Variants in ZBTB4 observed in about 807,000 individuals in gnomAD.
The protein encoded by ZBTB4 is zinc finger and BTB domain-containing protein 4.
Under a neutral mutation model 59.8 loss-of-function variants are expected in ZBTB4, and 14 were observed. That is an observed-to-expected ratio of 0.23 (90% CI 0.15 to 0.37). The LOEUF is 0.37. Among genes scored for constraint, ZBTB4 ranks in the 10% least tolerant of loss-of-function variants. The pLI, the probability that ZBTB4 is intolerant of heterozygous loss-of-function variation, is 1.00. For missense variants in ZBTB4, 1,198 were observed against 1,380.8 expected, an observed-to-expected ratio of 0.87 and a Z score of 2.10; for synonymous variants, 587 against 575.2, an observed-to-expected ratio of 1.02 and a Z score of -0.29.
chr17:7,469,847 G>A (rs2070175791), intron 1 of ZBTB4, among the ~76,000 whole-genome samples: 1 of 152,082 alleles, frequency 6.6e-6, no homozygotes, highest in African/African-American at 2.4e-5. Flanking sequence ...AGTTTGGGAG[G>A]CAGAGGCGGG....
chr17:7,464,151 A>G (rs1464271910), intron 3 of ZBTB4, among the ~76,000 whole-genome samples: 1 of 152,188 alleles, frequency 6.6e-6, no homozygotes, highest in Non-Finnish European at 1.5e-5. Context: ...AAATGGCAGA[A>G]TGGGGAAACG....
chr17:7,479,572 C>G lies in ZBTB4; in HGVS notation c.-197G>C, dbSNP rs2070316757. On this transcript the variant is annotated 5_prime_UTR_variant, in exon 1 of 4. Coordinates refer to ENST00000380599, the MANE Select transcript of ZBTB4 (RefSeq NM_001128833.2). ...CGGCTCCAGCTCCGGCCCTGGCCCC[C>G]CCAGCGCCTGGCCCCGGCCCGGCCC... 1 of 169,522 alleles carries G rather than the reference C, an allele frequency of 5.9e-6. No homozygotes were observed. Among genetic ancestry groups the G allele is most frequent in the Non-Finnish European group, 1.2e-5 (1 of 82,746 alleles). 10.5% of individuals were successfully genotyped at this position (169,522 alleles called of 1,614,324 possible). A position where few individuals can be genotyped will look rare whatever the true frequency, so the allele number is the denominator to read the frequency against.
chr17:7,476,115 ATGGCCTCCCAGCTATCCCC>A (rs1416865358), intron 1 of ZBTB4, among the ~76,000 whole-genome samples: 1 of 152,134 alleles, frequency 6.6e-6, no homozygotes, highest in East Asian at 1.9e-4. Flanking sequence ...GTCCAAGGTT[ATGGCCTCCCAGCTATCCCC>A]TGGCCTCCAG....
rs757070642 is a variant in ZBTB4 at position 7,463,441 on chromosome 17, G to T, written c.1541C>A (p.Pro514Gln). The T allele has an allele frequency of 6.4e-7, 1 of 1,555,206 alleles. No homozygotes were observed. The highest frequency in any genetic ancestry group is 8.7e-7 in the Non-Finnish European group (1 of 1,150,710). ...GTATTCTCGTTTCTTGGGTGGCCTC[G>T]GGGGAGCAGTGTAAGTGATAACCGA... ...AASVITYTAPPRPPKKREYPP... is the reference protein window; with the variant it reads ...AASVITYTAPQRPPKKREYPP... Residue 514 changes from proline (P) to glutamine (Q), a missense_variant, in exon 4 of 4, where the codon CCG becomes CAG. Pro to Gln is a moderately conservative substitution (Grantham distance 76). This residue lies in a region of ZBTB4 where 550 missense variants were observed against 541.8 expected (regional missense o/e 1.02). Coordinates refer to ENST00000380599, the MANE Select transcript of ZBTB4 (RefSeq NM_001128833.2).
At chr17:7,464,379 T>C (rs1479300239) in intron 3 of ZBTB4, among the ~76,000 whole-genome samples, 1 of 144,624 alleles carries the variant, frequency 6.9e-6, no homozygotes, top group African/African-American at 2.6e-5. Context: ...TGAGCCAAGA[T>C]TGCACCACTG....
intron 1 of ZBTB4, among the ~76,000 whole-genome samples, chr17:7,476,358 T>G (rs1486395517): frequency 6.6e-6 from 1 of 152,222 alleles, no homozygotes; most frequent in Non-Finnish European, 1.5e-5. Flanking sequence ...CACACAGTAC[T>G]CAGCGTGAGC....
At chr17:7,475,336 C>T (rs891249375) in intron 1 of ZBTB4, among the ~76,000 whole-genome samples, 7 of 151,732 alleles carry the variant, frequency 4.6e-5, no homozygotes, top group East Asian at 1.9e-4. Flanking sequence ...AGAGAAATTC[C>T]GTCTCAAAAA....
chr17:7,475,730 G>A (rs970377981), intron 1 of ZBTB4, among the ~76,000 whole-genome samples: 1 of 152,254 alleles, frequency 6.6e-6, no homozygotes, highest in East Asian at 1.9e-4. Flanking sequence ...GGGCCACTGC[G>A]CCCGGCCATA....
At position 7,463,391 on chromosome 17, in the gene ZBTB4, C is replaced by A; in HGVS notation, c.1591G>T (p.Ala531Ser). The A allele has an allele frequency of 6.3e-7, 1 of 1,594,762 alleles. No homozygotes were observed. Among genetic ancestry groups the A allele is most frequent in the Non-Finnish European group, 8.5e-7 (1 of 1,170,826 alleles). The change falls in exon 4 of 4, where the codon GCC (alanine) becomes TCC (serine). Residue 531 changes from alanine (A) to serine (S), a missense_variant. Ala to Ser is a moderately conservative substitution (Grantham distance 99). Around this residue, in one of 9 missense-constraint regions of ZBTB4, gnomAD observed 550 missense variants for 541.8 expected, o/e 1.02. Coordinates refer to ENST00000380599, the MANE Select transcript of ZBTB4 (RefSeq NM_001128833.2). ...EYPPPPPEPA[A>S]TPTSPATAVS... is the part of the protein sequence containing the mutation. ...GCTGTGGCTGGGCTGGTGGGTGTGG[C>A]TGCAGGCTCAGGGGGAGGAGGTGGG...
upstream of ZBTB4, chr17:7,483,409 C>G: frequency 3.6e-6 from 1 of 281,082 alleles, no homozygotes; most frequent in Non-Finnish European, 6.9e-6. Flanking sequence ...CCTCCCCTCA[C>G]GGCAAAGGTT....
chr17:7,465,229 C>G (rs1044322011), intron 3 of ZBTB4, among the ~76,000 whole-genome samples: 15 of 150,522 alleles, frequency 1.0e-4, no homozygotes, highest in African/African-American at 3.7e-4. Context: ...GAGGCCAAGG[C>G]GGGCAGATCA....
In ZBTB4 at chr17:7,459,801, T is replaced by A. The variant is rs2069992451; in HGVS notation, c.*2139A>T. Reference sequence around the variant, plus strand: ...AAAAAAAAATGTCTACAATCTCAATTCTCCCAAAAAAAAATGTCCATGGTT... The same window carrying A: ...AAAAAAAAATGTCTACAATCTCAATACTCCCAAAAAAAAATGTCCATGGTT... On this transcript the variant is annotated 3_prime_UTR_variant, in exon 4 of 4. Transcript: ENST00000380599. The A allele has an allele frequency of 6.6e-6, 1 of 152,302 alleles. No homozygotes were observed. The highest frequency in any genetic ancestry group is 1.5e-5 in the Non-Finnish European group (1 of 67,984). 9.4% of individuals were successfully genotyped at this position (152,302 alleles called of 1,614,324 possible).
intron 1 of ZBTB4, among the ~76,000 whole-genome samples, chr17:7,470,889 C>G (rs2070189188): frequency 6.6e-6 from 1 of 152,144 alleles, no homozygotes; most frequent in Admixed American, 6.6e-5. Context: ...AAATATCCTA[C>G]CTGGGTGCCT....
intron 1 of ZBTB4, among the ~76,000 whole-genome samples, chr17:7,478,686 C>T (rs1046648093): frequency 1.3e-5 from 2 of 152,202 alleles, no homozygotes; most frequent in Admixed American, 6.5e-5. Context: ...AAACATACAG[C>T]CCCACATCGA....
At chr17:7,482,074 C>T (rs767163041), upstream of ZBTB4, 13 of 1,614,164 alleles carry the variant, frequency 8.1e-6, no homozygotes, top group Non-Finnish European at 1.1e-5. Context: ...GGCACCAGTG[C>T]TGCCAGCCCT....
At chr17:7,473,825 T>C (rs1054048524) in intron 1 of ZBTB4, among the ~76,000 whole-genome samples, 8 of 152,174 alleles carry the variant, frequency 5.3e-5, no homozygotes, top group South Asian at 2.1e-4. Flanking sequence ...GCTGGGATCA[T>C]AGTGGAAAGC....
chr17:7,463,215 GCCAGCCCCTGTGGGGGGA>G lies in ZBTB4; in HGVS notation c.1749_1766del (p.Pro584_Gly589del). ...GAGCCTGCAGCTGAGAGGGGCCCCGGCCAGCCCCTGTGGGGGGACCCCCACCTCCACCAATCCCGCCCA... is the reference window on the plus strand; with the variant it reads ...GAGCCTGCAGCTGAGAGGGGCCCCGGCCCCCACCTCCACCAATCCCGCCCA... On this transcript the variant is annotated inframe_deletion, in exon 4 of 4. Transcript: ENST00000380599. The G allele has an allele frequency of 6.2e-7, 1 of 1,609,416 alleles. No individual in the cohort carries two copies. The highest frequency in any genetic ancestry group is 1.1e-5 in the South Asian group (1 of 90,504).
chr17:7,481,576 T>C, upstream of ZBTB4: 1 of 1,244,150 alleles, frequency 8.0e-7, no homozygotes, highest in South Asian at 1.6e-5. Context: ...GGTTGCTCCA[T>C]TTCCCCTCCT....
chr17:7,460,967 T>TATCA lies in ZBTB4; in HGVS notation c.*969_*972dup. On this transcript the variant is annotated 3_prime_UTR_variant, in exon 4 of 4. Transcript: ENST00000380599. ...TGGGCTTACCCACCCATCCGACCCC[T>TATCA]ATCATTTTTCTGGCTATTTGGTCTA... 6.6e-6 allele frequency: 1 copy of TATCA among 152,580 alleles called. No individual in the cohort carries two copies. The highest frequency in any genetic ancestry group is 1.5e-5 in the Non-Finnish European group (1 of 68,032). 9.5% of individuals were successfully genotyped at this position (152,580 alleles called of 1,614,324 possible).
Sources: allele counts gnomAD v4.1 joint callset (sites outside exome capture counted in the v4.1 genomes callset), GRCh38; gene constraint gnomAD v4.1.1; regional missense constraint gnomAD v4.1.1; transcripts MANE v1.5; gene names NCBI Gene and HGNC (gene_info 2026-07-23, HGNC 2026-07-21).